Variants in FER observed in about 807,000 individuals in gnomAD.
FER encodes the protein tyrosine-protein kinase Fer.
In FER, 63 loss-of-function variants were observed where a neutral mutation model predicts 111.0. The ratio of observed to expected loss-of-function variants is 0.57; its 90% CI spans 0.46 to 0.70. The LOEUF (loss-of-function observed/expected upper bound fraction) is 0.70. FER is among the 30% of genes least tolerant of loss of function. FER has a pLI of 0.00. For synonymous variants in FER, 327 were observed against 313.9 expected, an observed-to-expected ratio of 1.04 and a Z score of -0.44; for missense variants, 914 against 954.0, an observed-to-expected ratio of 0.96 and a Z score of 0.55.
At chr5:108,978,346 A>G (rs1387938954) in intron 13 of FER, among the ~76,000 whole-genome samples, 5 of 152,158 alleles carry the variant, frequency 3.3e-5, no homozygotes, top group African/African-American at 4.8e-5. Context: ...AATCCTTTGC[A>G]TGTCTGAAGC....
chr5:108,752,987 AGTT>A (rs1158063323), intron 1 of FER, among the ~76,000 whole-genome samples: 1 of 152,048 alleles, frequency 6.6e-6, no homozygotes, highest in Admixed American at 6.6e-5. Context: ...TTTTAGTTCC[AGTT>A]TCTGTTCTGT....
chr5:108,844,990 GTGTGTGTATATATATA>G (rs1289453746), intron 5 of FER, among the ~76,000 whole-genome samples: 28 of 41,808 alleles, frequency 6.7e-4, no homozygotes, highest in South Asian at 2.5e-3. Flanking sequence ...GCTGGTGTGT[GTGTGTGTATATATATA>G]TATATATATA....
At chr5:109,102,818 C>T (rs1207712785) in intron 17 of FER, among the ~76,000 whole-genome samples, 1 of 151,954 alleles carries the variant, frequency 6.6e-6, no homozygotes, top group African/African-American at 2.4e-5. Flanking sequence ...TTCACCAATT[C>T]ATACTATTGT....
chr5:109,024,757 C>T (rs555758859), intron 13 of FER, among the ~76,000 whole-genome samples: 1 of 152,074 alleles, frequency 6.6e-6, no homozygotes, highest in Non-Finnish European at 1.5e-5. Context: ...CCTTTCACAT[C>T]ATGTTTAAGT....
At chr5:109,086,859 TAA>T (rs915239456) in intron 16 of FER, among the ~76,000 whole-genome samples, 3 of 151,234 alleles carry the variant, frequency 2.0e-5, no homozygotes, top group African/African-American at 7.3e-5. Context: ...GCTACAAATT[TAA>T]AATGTCAGCA....
In FER at chr5:109,053,691, A is replaced by ATTT. The variant is rs544623578; in HGVS notation, c.1924+6510_1924+6512dup. Among the ~76,000 whole-genome samples the ATTT allele has an allele frequency of 8.2e-3, 978 of 119,368 alleles. 31 individuals carry two copies. The highest frequency in any genetic ancestry group is 0.02 in the Middle Eastern group (4 of 196). The allele number at this position is 119,368 out of a possible 152,430, so 78.3% of individuals were successfully genotyped here. ...TCTTTTTATTGCTGAGTGGAGTTCT[A>ATTT]TTTTTTTTTTTTTTTTTTTGAGACG... On this transcript the variant is annotated intron_variant, in intron 16 of 19. Coordinates refer to ENST00000281092, the MANE Select transcript of FER (RefSeq NM_005246.4).
chr5:108,794,769 C>G (rs1159087108), intron 2 of FER, among the ~76,000 whole-genome samples: 1 of 152,094 alleles, frequency 6.6e-6, no homozygotes, highest in East Asian at 1.9e-4. Context: ...TGTGGGATCT[C>G]CATTGGATGT....
chr5:109,034,535 G>A (rs1365573005), intron 13 of FER, among the ~76,000 whole-genome samples: 1 of 151,950 alleles, frequency 6.6e-6, no homozygotes, highest in African/African-American at 2.4e-5. Flanking sequence ...ATGACCATGT[G>A]CATTCAAGGG....
intron 10 of FER, among the ~76,000 whole-genome samples, chr5:108,903,046 G>A (rs1432487018): frequency 1.3e-5 from 2 of 151,812 alleles, no homozygotes; most frequent in Non-Finnish European, 2.9e-5. Context: ...GAATAATCTG[G>A]TTATTTAACT....
chr5:108,905,878 T>G (rs1561593720), intron 10 of FER, among the ~76,000 whole-genome samples: 1 of 152,184 alleles, frequency 6.6e-6, no homozygotes, highest in Non-Finnish European at 1.5e-5. Context: ...ATCAAGTATT[T>G]CCCACTTTAT....
chr5:108,954,731 T>G lies in FER; in HGVS notation c.1332T>G (p.Leu444=). ...SPKSALGSSA[L]SDMISISEKP... ...TTTTTTTTTAATATTTGTTTAAGCTTTCTGATATGATCTCCATCAGTGAGA... is the reference window on the plus strand; with the variant it reads ...TTTTTTTTTAATATTTGTTTAAGCTGTCTGATATGATCTCCATCAGTGAGA... The change falls in exon 12 of 20, where the codon CTT becomes CTG. Residue 444 remains leucine (L), a splice_region_variant and synonymous_variant. Coordinates refer to ENST00000281092, the MANE Select transcript of FER (RefSeq NM_005246.4). 1 of 1,555,708 alleles carries G rather than the reference T, an allele frequency of 6.4e-7. No individual in the cohort carries two copies. The highest frequency in any genetic ancestry group is 2.3e-5 in the East Asian group (1 of 43,780).
intron 16 of FER, among the ~76,000 whole-genome samples, chr5:109,084,497 C>T (rs993557630): frequency 7.7e-6 from 1 of 129,332 alleles, no homozygotes; most frequent in Non-Finnish European, 1.7e-5. Context: ...TATTTTACCA[C>T]AATTAAAAAT....
At chr5:108,896,183 A>G (rs1464425155) in intron 9 of FER, among the ~76,000 whole-genome samples, 4 of 151,614 alleles carry the variant, frequency 2.6e-5, no homozygotes, top group Non-Finnish European at 5.9e-5. Context: ...CTTGGTAGCT[A>G]GGAGATGCAA....
At chr5:108,871,614 A>G (rs188534239) in intron 7 of FER, 112 bp downstream of exon 7, 1 of 695,862 alleles carries the variant, frequency 1.4e-6, no homozygotes, top group East Asian at 3.2e-5. Context: ...TAAGACATAG[A>G]ATATTTCATA....
intron 17 of FER, among the ~76,000 whole-genome samples, chr5:109,112,123 A>G (rs1749690882): frequency 6.6e-6 from 1 of 151,552 alleles, no homozygotes; most frequent in African/African-American, 2.4e-5. Context: ...ATGTTAACCT[A>G]CCTCACAGTC....
At chr5:108,888,610 C>G (rs969627089) in intron 9 of FER, among the ~76,000 whole-genome samples, 2 of 151,796 alleles carry the variant, frequency 1.3e-5, no homozygotes, top group Non-Finnish European at 1.5e-5. Flanking sequence ...GCATCATGTA[C>G]TAAATAATCA....
intron 13 of FER, among the ~76,000 whole-genome samples, chr5:108,993,582 A>ACCGTG (rs1244437501): frequency 3.5e-4 from 50 of 142,380 alleles, no homozygotes; most frequent in African/African-American, 1.1e-3. Context: ...GGAGAGGGAG[A>ACCGTG]GGGAGAGGGA....
intron 17 of FER, among the ~76,000 whole-genome samples, chr5:109,179,471 T>C (rs900214203): frequency 2.6e-5 from 4 of 152,216 alleles, no homozygotes; most frequent in African/African-American, 9.6e-5. Flanking sequence ...CCTCCTATGT[T>C]CTGTTACTCT....
In FER at chr5:109,189,394, T is replaced by G. The variant is rs1389832158; in HGVS notation, c.*1819T>G. The G allele has an allele frequency of 6.6e-6, 1 of 152,244 alleles. No homozygotes were observed. The highest frequency in any genetic ancestry group is 1.5e-5 in the Non-Finnish European group (1 of 68,056). 9.4% of individuals were successfully genotyped at this position (152,244 alleles called of 1,614,324 possible). On this transcript the variant is annotated 3_prime_UTR_variant, in exon 20 of 20. Coordinates refer to ENST00000281092, the MANE Select transcript of FER (RefSeq NM_005246.4). Reference sequence around the variant, plus strand: ...ATGCCTCCTGCCCTCTCCAGCTGTTTGCTGCCTGTACCATCGCACAGAACT... The same window carrying G: ...ATGCCTCCTGCCCTCTCCAGCTGTTGGCTGCCTGTACCATCGCACAGAACT...
Sources: allele counts gnomAD v4.1 joint callset (sites outside exome capture counted in the v4.1 genomes callset), GRCh38; gene constraint gnomAD v4.1.1; transcripts MANE v1.5; gene names NCBI Gene and HGNC (gene_info 2026-07-23, HGNC 2026-07-21).